ARHGAP15: variants seen among roughly 807,000 people sequenced by gnomAD.
ARHGAP15 encodes the protein Rho GTPase activating protein 15.
In ARHGAP15, 51 loss-of-function variants were observed where a neutral mutation model predicts 63.7. The observed-to-expected ratio is 0.80, with a 90% CI of 0.64 to 1.01. The LOEUF (loss-of-function observed/expected upper bound fraction) is 1.01, where lower values mean the gene tolerates loss of function less well. Among genes scored for constraint, ARHGAP15 ranks in the 50% least tolerant of loss-of-function variants. The pLI, the probability that ARHGAP15 is intolerant of heterozygous loss-of-function variation, is 0.00. For missense variants in ARHGAP15, 560 were observed against 564.6 expected (o/e 0.99, Z 0.08); for synonymous variants, 191 against 193.8 (o/e 0.99, Z 0.12).
intron 8 of ARHGAP15, among the ~76,000 whole-genome samples, chr2:143,448,272 C>T (rs573092075): frequency 3.3e-4 from 50 of 152,150 alleles, no homozygotes; most frequent in African/African-American, 9.4e-4. Flanking sequence ...GGGTCTCTCA[C>T]GGAATGCTAA....
intron 6 of ARHGAP15, among the ~76,000 whole-genome samples, chr2:143,262,779 T>C (rs894249926): frequency 5.9e-5 from 9 of 152,096 alleles, no homozygotes; most frequent in Non-Finnish European, 4.4e-5. Context: ...TGAGTATCCA[T>C]AGTTACCATG....
chr2:143,403,560 AC>A (rs1198502518), intron 6 of ARHGAP15, among the ~76,000 whole-genome samples: 2 of 151,908 alleles, frequency 1.3e-5, no homozygotes, highest in African/African-American at 4.8e-5. Flanking sequence ...ACAACCCAAA[AC>A]AAAAACACAA....
intron 12 of ARHGAP15, among the ~76,000 whole-genome samples, chr2:143,696,953 A>G (rs574808866): frequency 6.6e-6 from 1 of 152,338 alleles, no homozygotes; most frequent in African/African-American, 2.4e-5. Flanking sequence ...AGCCAAACTT[A>G]CAATGTATTT....
intron 2 of ARHGAP15, among the ~76,000 whole-genome samples, chr2:143,181,371 T>A (rs948485171): frequency 5.3e-5 from 8 of 152,224 alleles, no homozygotes; most frequent in African/African-American, 1.9e-4. Context: ...CCTTTGAAGC[T>A]TTGAAACCAG....
intron 6 of ARHGAP15, among the ~76,000 whole-genome samples, chr2:143,373,219 C>G (rs1039922365): frequency 6.6e-6 from 1 of 152,078 alleles, no homozygotes; most frequent in Non-Finnish European, 1.5e-5. Context: ...ATATCAAGGA[C>G]TAGAGAGGTA....
intron 6 of ARHGAP15, among the ~76,000 whole-genome samples, chr2:143,306,317 C>T (rs72851574): frequency 0.021 from 3,261 of 152,130 alleles, 50 homozygotes; most frequent in Admixed American, 0.034. Flanking sequence ...TAGGGGGAGA[C>T]GACTGCCTGC....
intron 6 of ARHGAP15, among the ~76,000 whole-genome samples, chr2:143,258,721 A>G (rs144278084): frequency 1.3e-5 from 2 of 152,260 alleles, no homozygotes; most frequent in African/African-American, 2.4e-5. Flanking sequence ...AACTCTTTTC[A>G]GATAACACTG....
intron 6 of ARHGAP15, among the ~76,000 whole-genome samples, chr2:143,365,116 C>T (rs764943947): frequency 4.6e-5 from 7 of 152,074 alleles, no homozygotes; most frequent in African/African-American, 7.2e-5. Context: ...GTAGTACACC[C>T]GAATAAGGAA....
intron 2 of ARHGAP15, among the ~76,000 whole-genome samples, chr2:143,175,647 C>T (rs547231748): frequency 4.6e-5 from 7 of 152,250 alleles, no homozygotes; most frequent in African/African-American, 1.4e-4. Flanking sequence ...AGCCACAGAT[C>T]TTGGGGTGAC....
intron 5 of ARHGAP15, among the ~76,000 whole-genome samples, chr2:143,240,831 C>A (rs1233089252): frequency 6.6e-6 from 1 of 152,144 alleles, no homozygotes; most frequent in Non-Finnish European, 1.5e-5. Flanking sequence ...ATCGATATTG[C>A]TATAAATGAA....
intron 6 of ARHGAP15, among the ~76,000 whole-genome samples, chr2:143,335,170 C>T (rs1191534393): frequency 6.6e-6 from 1 of 152,130 alleles, no homozygotes; most frequent in African/African-American, 2.4e-5. Flanking sequence ...TATTGAGAAT[C>T]CCAAGGGACC....
intron 2 of ARHGAP15, among the ~76,000 whole-genome samples, chr2:143,161,758 C>T (rs1690307983): frequency 6.6e-6 from 1 of 151,920 alleles, no homozygotes; most frequent in African/African-American, 2.4e-5. Flanking sequence ...GAGCAAGAAG[C>T]TGTTCTCCCA....
intron 6 of ARHGAP15, among the ~76,000 whole-genome samples, chr2:143,423,751 A>T (rs984659184): frequency 1.3e-5 from 2 of 152,130 alleles, no homozygotes; most frequent in African/African-American, 4.8e-5. Context: ...TTTAAGTGCT[A>T]AGTATGTACC....
At chr2:143,233,014 C>T (rs959273754) in intron 5 of ARHGAP15, among the ~76,000 whole-genome samples, 1 of 152,066 alleles carries the variant, frequency 6.6e-6, no homozygotes, top group Non-Finnish European at 1.5e-5. Context: ...TAGTGTGAGA[C>T]CCTTTACCTT....
intron 11 of ARHGAP15, among the ~76,000 whole-genome samples, chr2:143,579,020 G>A (rs1004159533): frequency 6.6e-6 from 1 of 152,014 alleles, no homozygotes; most frequent in African/African-American, 2.4e-5. Context: ...CTTTAAAGTG[G>A]GTTTTAAGAT....
At chr2:143,710,389 A>G (rs1250096498) in intron 13 of ARHGAP15, among the ~76,000 whole-genome samples, 1 of 152,160 alleles carries the variant, frequency 6.6e-6, no homozygotes, top group African/African-American at 2.4e-5. Context: ...AATAGTTCCC[A>G]ACTCCCCATA....
At chr2:143,529,361 T>G (rs1235277493) in intron 10 of ARHGAP15, among the ~76,000 whole-genome samples, 1 of 152,106 alleles carries the variant, frequency 6.6e-6, no homozygotes, top group African/African-American at 2.4e-5. Context: ...TGATTGGGCC[T>G]CCATACTTCC....
At chr2:143,176,795 G>A (rs1220677461) in intron 2 of ARHGAP15, among the ~76,000 whole-genome samples, 1 of 152,160 alleles carries the variant, frequency 6.6e-6, no homozygotes, top group African/African-American at 2.4e-5. Flanking sequence ...GCTCCACTTA[G>A]GCCTGAAAGA....
chr2:143,423,416 T>G (rs1204662142), intron 6 of ARHGAP15, among the ~76,000 whole-genome samples: 2 of 152,160 alleles, frequency 1.3e-5, no homozygotes, highest in Non-Finnish European at 2.9e-5. Context: ...CCAATTGAGC[T>G]ATCATTCATT....
Sources: allele counts gnomAD v4.1 joint callset (sites outside exome capture counted in the v4.1 genomes callset), GRCh38; gene constraint gnomAD v4.1.1; transcripts MANE v1.5; gene names NCBI Gene and HGNC (gene_info 2026-07-23, HGNC 2026-07-21).